The following CTNNA3 variants were observed in gnomAD, a reference collection of about 807,000 sequenced individuals.
CTNNA3 encodes the protein catenin alpha 3, also known as catenin alpha-3.
In CTNNA3, 76 loss-of-function variants were observed where a neutral mutation model predicts 95.7. That is an observed-to-expected ratio of 0.79 (90% confidence interval 0.66 to 0.96). The LOEUF is 0.96. Ranked by LOEUF, CTNNA3 falls within the 40% of genes least tolerant of loss-of-function variation. CTNNA3 has a pLI of 0.00. For missense variants in CTNNA3, 1,191 were observed against 1,089.8 expected (o/e 1.09, Z -1.31); for synonymous variants, 431 against 374.4 (o/e 1.15, Z -1.74).
chr10:67,258,207 G>A (rs1866440438), intron 5 of CTNNA3, among the ~76,000 whole-genome samples: 2 of 152,142 alleles, frequency 1.3e-5, no homozygotes, highest in Non-Finnish European at 2.9e-5. Context: ...GCAGTGGCTT[G>A]ATTTTGGTTC....
At chr10:66,294,249 A>T (rs963781539) in intron 12 of CTNNA3, among the ~76,000 whole-genome samples, 3 of 152,136 alleles carry the variant, frequency 2.0e-5, no homozygotes, top group Non-Finnish European at 4.4e-5. Context: ...TCCGGTCATA[A>T]TTAATTTGTC....
intron 1 of CTNNA3, among the ~76,000 whole-genome samples, chr10:67,685,426 T>C (rs1160311128): frequency 2.6e-5 from 4 of 152,232 alleles, no homozygotes; most frequent in South Asian, 2.1e-4. Context: ...TGAACACCCA[T>C]TGTCTTTTTC....
chr10:66,669,805 T>C (rs7079284), intron 9 of CTNNA3, among the ~76,000 whole-genome samples: 89,642 of 151,912 alleles, frequency 0.59, 27,460 homozygotes, highest in East Asian at 0.83. Flanking sequence ...CTTTAAAATA[T>C]TGTCAATGTA....
At chr10:66,771,407 TAC>T (rs1840081375) in intron 8 of CTNNA3, among the ~76,000 whole-genome samples, 1 of 152,258 alleles carries the variant, frequency 6.6e-6, no homozygotes, top group South Asian at 2.1e-4. Flanking sequence ...GCAATAGGTA[TAC>T]AGTTTTCAAA....
chr10:66,474,891 T>C (rs1314412692), intron 11 of CTNNA3, among the ~76,000 whole-genome samples: 1 of 152,040 alleles, frequency 6.6e-6, no homozygotes, highest in Non-Finnish European at 1.5e-5. Context: ...TTGCTCAATT[T>C]TTAATTAGAT....
chr10:67,371,373 TC>T (rs949415889), intron 5 of CTNNA3, among the ~76,000 whole-genome samples: 3 of 105,176 alleles, frequency 2.9e-5, no homozygotes, highest in Non-Finnish European at 5.8e-5. Context: ...ATGCTATCCC[TC>T]CCCCCTCCCC....
intron 7 of CTNNA3, among the ~76,000 whole-genome samples, chr10:66,909,645 C>T (rs1476451008): frequency 1.3e-5 from 2 of 152,164 alleles, no homozygotes; most frequent in Non-Finnish European, 2.9e-5. Context: ...AATCCATCTG[C>T]AACACTTGTT....
intron 7 of CTNNA3, among the ~76,000 whole-genome samples, chr10:66,931,564 T>G (rs1589442376): frequency 6.6e-6 from 1 of 152,202 alleles, no homozygotes; most frequent in Admixed American, 6.5e-5. Context: ...TAGTGTCTGG[T>G]TAGACTAACC....
chr10:67,254,774 A>G (rs919270153), intron 5 of CTNNA3, among the ~76,000 whole-genome samples: 1 of 152,232 alleles, frequency 6.6e-6, no homozygotes, highest in African/African-American at 2.4e-5. Flanking sequence ...ACAGGTTTGT[A>G]GCCTAGTAGC....
At chr10:66,490,570 C>T (rs1262602637) in intron 11 of CTNNA3, among the ~76,000 whole-genome samples, 1 of 152,062 alleles carries the variant, frequency 6.6e-6, no homozygotes, top group East Asian at 1.9e-4. Flanking sequence ...AGTTCATGAA[C>T]CAGAGATAAT....
At chr10:67,159,747 A>G (rs555390661) in intron 7 of CTNNA3, among the ~76,000 whole-genome samples, 3 of 152,302 alleles carry the variant, frequency 2.0e-5, no homozygotes, top group Admixed American at 1.3e-4. Flanking sequence ...ACTTAAACAT[A>G]AGACCTGAAA....
chr10:66,513,157 A>G (rs762362524), intron 11 of CTNNA3, among the ~76,000 whole-genome samples: 6 of 152,140 alleles, frequency 3.9e-5, no homozygotes, highest in Non-Finnish European at 8.8e-5. Flanking sequence ...ATTTGTTTGC[A>G]TAGTGATATC....
chr10:67,106,597 TTG>T (rs1259054345), intron 7 of CTNNA3, among the ~76,000 whole-genome samples: 8 of 152,216 alleles, frequency 5.3e-5, no homozygotes, highest in African/African-American at 1.7e-4. Context: ...GTAGATACTA[TTG>T]TTTTTCCCTT....
intron 13 of CTNNA3, among the ~76,000 whole-genome samples, chr10:66,197,903 AG>A (rs1354193977): frequency 6.6e-6 from 1 of 152,224 alleles, no homozygotes; most frequent in East Asian, 1.9e-4. Context: ...CAGAGATGAT[AG>A]GAAGAAGTAA....
chr10:67,726,273 T>TATAATATTGTATTAC (rs376509155), intron 1 of CTNNA3, among the ~76,000 whole-genome samples: 1 of 98,176 alleles, frequency 1.0e-5, no homozygotes, highest in African/African-American at 4.4e-5. Flanking sequence ...ACATATTATA[T>TATAATATTGTATTAC]ATATTATATT....
chr10:67,690,066 T>C (rs1840812789), intron 1 of CTNNA3, among the ~76,000 whole-genome samples: 1 of 152,090 alleles, frequency 6.6e-6, no homozygotes, highest in Admixed American at 6.5e-5. Context: ...CTCTTAAAGA[T>C]GGTGTGTCTG....
chr10:66,087,831 T>TA (rs1182093191), intron 14 of CTNNA3, among the ~76,000 whole-genome samples: 1 of 152,076 alleles, frequency 6.6e-6, no homozygotes, highest in Non-Finnish European at 1.5e-5. Context: ...GCATTAGACT[T>TA]AGTCTAGAGG....
At chr10:67,396,135 T>C (rs1209519688) in intron 5 of CTNNA3, among the ~76,000 whole-genome samples, 2 of 152,102 alleles carry the variant, frequency 1.3e-5, no homozygotes, top group Non-Finnish European at 2.9e-5. Context: ...ATCACAAAAC[T>C]ATCTGAAAGC....
intron 5 of CTNNA3, among the ~76,000 whole-genome samples, chr10:67,329,980 C>T (rs1282988286): frequency 6.6e-6 from 1 of 152,218 alleles, no homozygotes; most frequent in Admixed American, 6.5e-5. Flanking sequence ...GAGTTCCAAC[C>T]ATGACATCCA....
Sources: allele counts gnomAD v4.1 joint callset (sites outside exome capture counted in the v4.1 genomes callset), GRCh38; gene constraint gnomAD v4.1.1; transcripts MANE v1.5; gene names NCBI Gene and HGNC (gene_info 2026-07-23, HGNC 2026-07-21).